KCNQ3: variants seen among roughly 807,000 people sequenced by gnomAD.
KCNQ3 encodes potassium voltage-gated channel subfamily Q member 3, also known as potassium voltage-gated channel subfamily KQT member 3.
Under a neutral mutation model 92.5 loss-of-function variants are expected in KCNQ3, and 30 were observed. The observed-to-expected ratio is 0.32, with a 90% CI of 0.24 to 0.44. The LOEUF (loss-of-function observed/expected upper bound fraction) is 0.44. Among genes scored for constraint, KCNQ3 ranks in the 20% least tolerant of loss-of-function variants. KCNQ3 has a pLI of 1.00. For synonymous variants in KCNQ3, 450 were observed against 468.8 expected (o/e 0.96, Z 0.52); for missense variants, 913 against 1,140.3 (o/e 0.80, Z 2.87).
intron 1 of KCNQ3, among the ~76,000 whole-genome samples, chr8:132,385,933 G>A (rs940349352): frequency 1.2e-4 from 17 of 144,848 alleles, no homozygotes; most frequent in Non-Finnish European, 2.4e-4. Flanking sequence ...ACTCTATCCG[G>A]GCAAAAAAAA....
At chr8:132,383,785 T>C (rs1421177762) in intron 1 of KCNQ3, among the ~76,000 whole-genome samples, 2 of 152,182 alleles carry the variant, frequency 1.3e-5, no homozygotes, top group African/African-American at 4.8e-5. Context: ...ACTTTTTTCC[T>C]GTTTCCAAAG....
chr8:132,266,339 A>AC (rs1184669332), intron 1 of KCNQ3, among the ~76,000 whole-genome samples: 1 of 152,114 alleles, frequency 6.6e-6, no homozygotes, highest in Non-Finnish European at 1.5e-5. Flanking sequence ...AGGGGACAAA[A>AC]CCCAGCATCT....
rs149147159 is a variant in KCNQ3 at position 132,127,534 on chromosome 8, C to T, written c.*1728G>A. 2 of 152,280 alleles carry T rather than the reference C, an allele frequency of 1.3e-5. No homozygotes were observed. The highest frequency in any genetic ancestry group is 3.9e-4 in the East Asian group (2 of 5,184). The allele number at this position is 152,280 out of a possible 1,614,324, so 9.4% of individuals were successfully genotyped here. On this transcript the variant is annotated 3_prime_UTR_variant, in exon 15 of 15. Transcript: ENST00000388996. ...TATTAGGAAATGATGAAACCATCAACCAAATGTCTGCCATAGCTACTGTGG... is the reference window on the plus strand; with the variant it reads ...TATTAGGAAATGATGAAACCATCAATCAAATGTCTGCCATAGCTACTGTGG...
intron 1 of KCNQ3, among the ~76,000 whole-genome samples, chr8:132,414,240 G>T (rs997627175): frequency 6.6e-6 from 1 of 152,172 alleles, no homozygotes; most frequent in African/African-American, 2.4e-5. Context: ...GGTCCCACAG[G>T]TTCCTCTGAT....
intron 1 of KCNQ3, among the ~76,000 whole-genome samples, chr8:132,189,907 A>AG (rs1554629514): frequency 3.5e-4 from 46 of 132,272 alleles, no homozygotes; most frequent in Admixed American, 1.8e-3. Context: ...AAAAAAAAAA[A>AG]AGAGAGAGAG....
intron 1 of KCNQ3, among the ~76,000 whole-genome samples, chr8:132,346,945 T>A (rs1329861865): frequency 1.3e-5 from 2 of 152,110 alleles, no homozygotes; most frequent in Non-Finnish European, 2.9e-5. Flanking sequence ...TAGGCTAAAG[T>A]GGAGGGCAGC....
intron 3 of KCNQ3, among the ~76,000 whole-genome samples, chr8:132,182,572 G>C (rs1353762937): frequency 6.6e-6 from 1 of 152,250 alleles, no homozygotes; most frequent in Non-Finnish European, 1.5e-5. Context: ...CCCCAAGGGG[G>C]ATGCACCTGT....
intron 1 of KCNQ3, among the ~76,000 whole-genome samples, chr8:132,254,478 A>G (rs1336024927): frequency 6.6e-6 from 1 of 152,236 alleles, no homozygotes; most frequent in African/African-American, 2.4e-5. Flanking sequence ...TGTGTTTGTC[A>G]TATGATATTT....
chr8:132,184,487 G>C, intron 2 of KCNQ3, 120 bp from the exon 3 acceptor site: 1 of 1,171,708 alleles, frequency 8.5e-7, no homozygotes, highest in South Asian at 1.2e-5. Context: ...TTGTCTGGTT[G>C]GCAGGGATGG....
chr8:132,260,811 C>T (rs1586874689), intron 1 of KCNQ3, among the ~76,000 whole-genome samples: 1 of 151,776 alleles, frequency 6.6e-6, no homozygotes, highest in African/African-American at 2.4e-5. Flanking sequence ...CCATCCAATC[C>T]TCAGTCCATC....
At chr8:132,447,955 C>A (rs781570865) in intron 1 of KCNQ3, among the ~76,000 whole-genome samples, 3 of 152,190 alleles carry the variant, frequency 2.0e-5, no homozygotes, top group Non-Finnish European at 4.4e-5. Flanking sequence ...CACACTACAG[C>A]GTAACCAAAT....
At chr8:132,253,216 A>T (rs951150850) in intron 1 of KCNQ3, among the ~76,000 whole-genome samples, 1 of 152,266 alleles carries the variant, frequency 6.6e-6, no homozygotes, top group African/African-American at 2.4e-5. Flanking sequence ...GCAGAAAATG[A>T]GGTTCGTTTC....
At chr8:132,423,876 CA>C (rs1372361759) in intron 1 of KCNQ3, among the ~76,000 whole-genome samples, 2 of 152,126 alleles carry the variant, frequency 1.3e-5, no homozygotes, top group African/African-American at 4.8e-5. Context: ...GGTTCCAGGA[CA>C]CTGAGTAAAG....
chr8:132,192,013 G>C (rs980676569), intron 1 of KCNQ3, among the ~76,000 whole-genome samples: 1 of 152,150 alleles, frequency 6.6e-6, no homozygotes, highest in Non-Finnish European at 1.5e-5. Context: ...ATCTCCATCC[G>C]GCTGATTGAA....
At chr8:132,411,962 A>G (rs1167439131) in intron 1 of KCNQ3, among the ~76,000 whole-genome samples, 3 of 152,152 alleles carry the variant, frequency 2.0e-5, no homozygotes, top group African/African-American at 7.2e-5. Flanking sequence ...TCTTTTGAGC[A>G]CCAATTCAGT....
At chr8:132,254,691 C>A (rs574959176) in intron 1 of KCNQ3, among the ~76,000 whole-genome samples, 33 of 151,958 alleles carry the variant, frequency 2.2e-4, no homozygotes, top group Non-Finnish European at 4.7e-4. Flanking sequence ...CCAGCCTGGC[C>A]AACATAGTGA....
intron 1 of KCNQ3, among the ~76,000 whole-genome samples, chr8:132,474,824 G>A (rs543477065): frequency 5.9e-4 from 90 of 152,198 alleles, no homozygotes; most frequent in African/African-American, 2.1e-3. Flanking sequence ...GCCTGGGGAA[G>A]CTGGGCCAAG....
intron 1 of KCNQ3, among the ~76,000 whole-genome samples, chr8:132,259,495 T>C (rs1320641766): frequency 3.9e-5 from 6 of 152,184 alleles, no homozygotes; most frequent in African/African-American, 1.4e-4. Flanking sequence ...GAAGGAAACG[T>C]CTTCAATCTG....
intron 9 of KCNQ3, among the ~76,000 whole-genome samples, chr8:132,155,016 A>G (rs1254005588): frequency 6.6e-6 from 1 of 152,144 alleles, no homozygotes. Flanking sequence ...CCTTGAGAGG[A>G]CAAAAGAAAG....
Sources: gnomAD v4.1 joint callset for allele counts (sites outside exome capture counted in the v4.1 genomes callset) on GRCh38, gnomAD v4.1.1 for gene constraint, MANE v1.5 for transcripts, NCBI Gene and HGNC (gene_info 2026-07-23, HGNC 2026-07-21) for gene names.